Variants in PDE1C observed in about 807,000 individuals in gnomAD.
The protein encoded by PDE1C is dual specificity calcium/calmodulin-dependent 3',5'-cyclic nucleotide phosphodiesterase 1C.
Under a neutral mutation model 93.1 loss-of-function variants are expected in PDE1C, and 62 were observed. That is an observed-to-expected ratio of 0.67 (90% CI 0.54 to 0.82). The LOEUF is 0.82. PDE1C is among the 40% of genes least tolerant of loss of function. The pLI is 0.00. For missense variants in PDE1C, 742 were observed against 884.6 expected, an observed-to-expected ratio of 0.84 and a Z score of 2.04; for synonymous variants, 325 against 310.1, an observed-to-expected ratio of 1.05 and a Z score of -0.50.
chr7:32,208,032 A>G (rs1414960295), intron 2 of PDE1C, among the ~76,000 whole-genome samples: 1 of 152,220 alleles, frequency 6.6e-6, no homozygotes, highest in Non-Finnish European at 1.5e-5. Context: ...GTGGGATGAA[A>G]TATCTATTTT....
At chr7:32,094,386 G>C (rs1012677596) in intron 3 of PDE1C, among the ~76,000 whole-genome samples, 1 of 152,166 alleles carries the variant, frequency 6.6e-6, no homozygotes, top group Non-Finnish European at 1.5e-5. Context: ...TTTTGTGCTT[G>C]TAAAAACATG....
At chr7:32,033,493 A>C (rs1444930013) in intron 2 of PDE1C, among the ~76,000 whole-genome samples, 1 of 152,122 alleles carries the variant, frequency 6.6e-6, no homozygotes, top group Non-Finnish European at 1.5e-5. Flanking sequence ...AAAAACAAAA[A>C]AACCTGTTTT....
In PDE1C at chr7:32,256,367, A is replaced by G. The variant is rs1011121835; in HGVS notation, c.85+42284T>C. 1.1e-4 allele frequency among the ~76,000 whole-genome samples: 17 copies of G among 152,310 alleles called. No homozygotes were observed. The South Asian group carries it at 2.3e-3, about 20-fold the overall frequency. ...GCCCTGGAAGTGTCACTGTCCTATCAGGTGACTGGAGTAGTAGGCCCAAGA... is the reference window on the plus strand; with the variant it reads ...GCCCTGGAAGTGTCACTGTCCTATCGGGTGACTGGAGTAGTAGGCCCAAGA... On this transcript the variant is annotated intron_variant, in intron 1 of 18. Coordinates refer to the PDE1C transcript ENST00000396193.
At chr7:31,777,635 A>T (rs986657158) in intron 16 of PDE1C, among the ~76,000 whole-genome samples, 25 of 152,064 alleles carry the variant, frequency 1.6e-4, no homozygotes, top group African/African-American at 6.0e-4. Context: ...CCCCATTTTC[A>T]TCTTAAACAA....
At chr7:31,660,149 C>T in the PDE1C span, among the ~76,000 whole-genome samples, 1 of 152,270 alleles carries the variant, frequency 6.6e-6, no homozygotes, top group East Asian at 1.9e-4. Context: ...TCTGGTCTTG[C>T]TGAACTGTGA....
chr7:32,274,667 T>C (rs1221269461), intron 1 of PDE1C, among the ~76,000 whole-genome samples: 1 of 152,156 alleles, frequency 6.6e-6, no homozygotes, highest in African/African-American at 2.4e-5. Flanking sequence ...GTGTGTTAGT[T>C]ACACAGAATC....
At chr7:31,658,474 G>T in the PDE1C span, 1 of 1,247,352 alleles carries the variant, frequency 8.0e-7, no homozygotes, top group Non-Finnish European at 1.0e-6. Context: ...AAAGAGGTTA[G>T]AGTATCAAAG....
the PDE1C span, chr7:31,707,482 T>A: frequency 1.7e-5 from 9 of 540,862 alleles, no homozygotes; most frequent in African/African-American, 1.3e-4. Flanking sequence ...ATGGTTTCTA[T>A]TCTGTGTTTT....
rs183013860 is a variant in PDE1C at position 31,907,863 on chromosome 7, G to A, written c.129-27003C>T. 6.7e-3 allele frequency among the ~76,000 whole-genome samples: 1,010 copies of A among 151,734 alleles called. 7 individuals carry two copies. The highest frequency in any genetic ancestry group is 0.017 in the Middle Eastern group (5 of 294). ...CAGTGTTAGAAATTACCTGGAAAGA[G>A]GTGAAAATTACTCATTCAAGTCAAG... On this transcript the variant is annotated intron_variant, in intron 2 of 17. Coordinates refer to ENST00000396191, the MANE Select transcript of PDE1C (RefSeq NM_001191057.4).
chr7:32,350,378 A>G (rs11974728), intron 1 of PDE1C, among the ~76,000 whole-genome samples: 1 of 151,780 alleles, frequency 6.6e-6, no homozygotes, highest in African/African-American at 2.4e-5. Context: ...TTTTAACACA[A>G]CCACAATACT....
the PDE1C span, among the ~76,000 whole-genome samples, chr7:31,616,902 T>A: frequency 1.5e-4 from 23 of 152,316 alleles, no homozygotes; most frequent in African/African-American, 5.3e-4. Flanking sequence ...ACTTTTTGCC[T>A]TCTTGGTGGT....
the PDE1C span, among the ~76,000 whole-genome samples, chr7:31,672,432 A>G: frequency 6.6e-6 from 1 of 151,996 alleles, no homozygotes; most frequent in Admixed American, 6.6e-5. Context: ...CAACAACCTT[A>G]CTCCATACCC....
intron 2 of PDE1C, among the ~76,000 whole-genome samples, chr7:32,178,778 G>A (rs753412746): frequency 5.3e-5 from 8 of 151,894 alleles, no homozygotes; most frequent in Non-Finnish European, 7.4e-5. Context: ...AATCCTCTCC[G>A]TTCTCTTCAC....
chr7:32,304,191 C>G (rs1032987060), upstream of PDE1C, among the ~76,000 whole-genome samples: 8 of 152,218 alleles, frequency 5.3e-5, 1 homozygote, highest in Admixed American at 4.6e-4. Context: ...GGGGAGGTAA[C>G]CACCCGACTT....
intron 2 of PDE1C, among the ~76,000 whole-genome samples, chr7:31,927,869 GA>G (rs1348375670): frequency 2.0e-5 from 3 of 152,184 alleles, no homozygotes; most frequent in African/African-American, 7.2e-5. Flanking sequence ...CCAAAAACCA[GA>G]ATACCTCATC....
chr7:32,007,326 C>A (rs915586667), intron 2 of PDE1C, among the ~76,000 whole-genome samples: 1 of 152,168 alleles, frequency 6.6e-6, no homozygotes, highest in Non-Finnish European at 1.5e-5. Flanking sequence ...CACCTCAGCA[C>A]GTCTACCACA....
chr7:31,770,495 T>C (rs1165911740), intron 17 of PDE1C, among the ~76,000 whole-genome samples: 1 of 152,070 alleles, frequency 6.6e-6, no homozygotes, highest in Non-Finnish European at 1.5e-5. Flanking sequence ...TACCTCTATG[T>C]TTTCTTCTTT....
chr7:32,141,197 A>C (rs1800500499), intron 3 of PDE1C, among the ~76,000 whole-genome samples: 1 of 152,220 alleles, frequency 6.6e-6, no homozygotes, highest in South Asian at 2.1e-4. Context: ...CCAGTGAATA[A>C]GAGTATGGAA....
intron 1 of PDE1C, among the ~76,000 whole-genome samples, chr7:32,310,482 A>T (rs1490839977): frequency 1.3e-5 from 2 of 152,190 alleles, no homozygotes; most frequent in Non-Finnish European, 2.9e-5. Context: ...TCTATTCCAA[A>T]ATTGACCACA....
Sources: allele counts gnomAD v4.1 joint callset (sites outside exome capture counted in the v4.1 genomes callset), GRCh38; gene constraint gnomAD v4.1.1; transcripts MANE v1.5; gene names NCBI Gene and HGNC (gene_info 2026-07-23, HGNC 2026-07-21).